The following TASP1 variants were observed in gnomAD, a reference collection of about 807,000 sequenced individuals.
TASP1 encodes taspase 1, also known as threonine aspartase 1.
In TASP1, 16 loss-of-function variants were observed where a neutral mutation model predicts 56.6. The observed-to-expected ratio is 0.28, with a 90% CI of 0.19 to 0.43. The LOEUF (loss-of-function observed/expected upper bound fraction) is 0.43. TASP1 is among the 20% of genes least tolerant of loss of function. The pLI is 1.00. For synonymous variants in TASP1, 179 were observed against 184.2 expected (o/e 0.97, Z 0.23); for missense variants, 393 against 511.6 (o/e 0.77, Z 2.24).
chr20:13,232,438 T>G, the TASP1 span, among the ~76,000 whole-genome samples: 5 of 152,266 alleles, frequency 3.3e-5, no homozygotes, highest in African/African-American at 1.2e-4. Flanking sequence ...TTTGCTCATG[T>G]TGAGATTCAT....
chr20:13,473,135 C>T (rs2044580559), intron 11 of TASP1, among the ~76,000 whole-genome samples: 1 of 152,150 alleles, frequency 6.6e-6, no homozygotes, highest in African/African-American at 2.4e-5. Flanking sequence ...GGCACATATA[C>T]ACCATGGAAT....
chr20:13,289,997 C>T, the TASP1 span, among the ~76,000 whole-genome samples: 4 of 152,114 alleles, frequency 2.6e-5, no homozygotes, highest in African/African-American at 9.7e-5. Context: ...GAAATGAAAG[C>T]ACAAAGGCGT....
At chr20:13,347,186 G>C in the TASP1 span, among the ~76,000 whole-genome samples, 1 of 152,142 alleles carries the variant, frequency 6.6e-6, no homozygotes, top group African/African-American at 2.4e-5. Flanking sequence ...ACTCTGTGAG[G>C]GGAGTCCTTC....
At chr20:13,126,691 T>C in the TASP1 span, 2 of 1,614,062 alleles carry the variant, frequency 1.2e-6, no homozygotes, top group Non-Finnish European at 1.7e-6. Context: ...CTAAAACTTA[T>C]CATGGGACTG....
At chr20:13,395,796 G>T (rs964430982) in intron 13 of TASP1, among the ~76,000 whole-genome samples, 1 of 151,290 alleles carries the variant, frequency 6.6e-6, no homozygotes, top group Admixed American at 6.6e-5. Flanking sequence ...CCACCCACCA[G>T]GTTCAAGAGA....
At chr20:13,430,613 C>G (rs1246140198) in intron 12 of TASP1, among the ~76,000 whole-genome samples, 1 of 152,206 alleles carries the variant, frequency 6.6e-6, no homozygotes, top group African/African-American at 2.4e-5. Context: ...TTGACCTAGT[C>G]TCAGAAATCA....
At chr20:13,441,322 C>G (rs1206147878) in intron 11 of TASP1, among the ~76,000 whole-genome samples, 1 of 152,188 alleles carries the variant, frequency 6.6e-6, no homozygotes, top group African/African-American at 2.4e-5. Context: ...GTGAACAAAG[C>G]CCCTGCATAC....
chr20:13,444,402 TTC>T, intron 11 of TASP1, among the ~76,000 whole-genome samples: 1 of 152,320 alleles, frequency 6.6e-6, no homozygotes, highest in South Asian at 2.1e-4. Context: ...TTGAATGCCA[TTC>T]TCTCTTTGAG....
intron 9 of TASP1, among the ~76,000 whole-genome samples, chr20:13,530,615 T>C (rs1426026125): frequency 6.6e-6 from 1 of 152,108 alleles, no homozygotes; most frequent in African/African-American, 2.4e-5. Context: ...GTAAATAAGG[T>C]CCCAAGGACA....
chr20:13,107,005 T>G, the TASP1 span, among the ~76,000 whole-genome samples: 1 of 152,192 alleles, frequency 6.6e-6, no homozygotes, highest in African/African-American at 2.4e-5. Flanking sequence ...AATGGGCCAG[T>G]AATGTAGTCT....
At chr20:13,120,985 C>T in the TASP1 span, among the ~76,000 whole-genome samples, 264 of 152,350 alleles carry the variant, frequency 1.7e-3, no homozygotes, top group African/African-American at 6.1e-3. Context: ...TACTTCTCTC[C>T]ACCTGTCAGA....
At chr20:13,416,904 T>C (rs2146061007) in intron 13 of TASP1, among the ~76,000 whole-genome samples, 1 of 152,346 alleles carries the variant, frequency 6.6e-6, no homozygotes, top group African/African-American at 2.4e-5. Flanking sequence ...GCCACAGGCA[T>C]GTGGGACATG....
chr20:13,321,753 TA>T, the TASP1 span, among the ~76,000 whole-genome samples: 1 of 152,224 alleles, frequency 6.6e-6, no homozygotes, highest in African/African-American at 2.4e-5. Flanking sequence ...ATGTACATAT[TA>T]AAAAGTAGCG....
chr20:13,420,903 T>G (rs2146089069), intron 12 of TASP1, among the ~76,000 whole-genome samples: 1 of 152,230 alleles, frequency 6.6e-6, no homozygotes, highest in Non-Finnish European at 1.5e-5. Flanking sequence ...AGATAAGGAT[T>G]TGTACTTGTT....
intron 10 of TASP1, among the ~76,000 whole-genome samples, chr20:13,509,128 T>A (rs1047534027): frequency 1.0e-4 from 12 of 115,480 alleles, no homozygotes; most frequent in Non-Finnish European, 9.6e-5. Context: ...GAAGAAAGTG[T>A]GTGTGTGTGT....
chr20:13,539,930 T>C (rs2045560793), intron 8 of TASP1, among the ~76,000 whole-genome samples: 1 of 150,036 alleles, frequency 6.7e-6, no homozygotes, highest in Non-Finnish European at 1.5e-5. Context: ...AGAGTGCATG[T>C]TGAATGAGTG....
chr20:13,446,778 A>G (rs2043428687), intron 11 of TASP1, among the ~76,000 whole-genome samples: 1 of 152,156 alleles, frequency 6.6e-6, no homozygotes, highest in East Asian at 1.9e-4. Flanking sequence ...CATTCAATAG[A>G]TCATGTCATA....
chr20:13,346,385 C>A, the TASP1 span, among the ~76,000 whole-genome samples: 1 of 152,222 alleles, frequency 6.6e-6, no homozygotes, highest in Non-Finnish European at 1.5e-5. Context: ...CAAGTGATGA[C>A]TAATCCCCAT....
the TASP1 span, among the ~76,000 whole-genome samples, chr20:13,357,477 T>C: frequency 2.0e-5 from 3 of 152,302 alleles, no homozygotes; most frequent in African/African-American, 7.2e-5. Context: ...AGACAACAAA[T>C]ACATGTTTTC....
Sources: gnomAD v4.1 joint callset for allele counts (sites outside exome capture counted in the v4.1 genomes callset) on GRCh38, gnomAD v4.1.1 for gene constraint, MANE v1.5 for transcripts, NCBI Gene and HGNC (gene_info 2026-07-23, HGNC 2026-07-21) for gene names.